The following EPS8 variants were observed in gnomAD, a reference collection of about 807,000 sequenced individuals.
The protein encoded by EPS8 is EGFR pathway substrate 8, signaling adaptor.
In EPS8, 42 loss-of-function variants were observed where a neutral mutation model predicts 103.8. That is an observed-to-expected ratio of 0.40 (90% CI 0.32 to 0.52). EPS8 has a LOEUF of 0.52. Among genes scored for constraint, EPS8 ranks in the 20% least tolerant of loss-of-function variants. The pLI is 0.40. For missense variants in EPS8, 969 were observed against 1,005.1 expected (o/e 0.96, Z 0.49); for synonymous variants, 344 against 344.6 (o/e 1.00, Z 0.02).
At chr12:15,654,539 G>A in intron 12 of EPS8, 1 of 489,288 alleles carries the variant, frequency 2.0e-6, no homozygotes, top group Non-Finnish European at 3.6e-6. Flanking sequence ...CCTATGGGCT[G>A]CATATGACTA....
intron 8 of EPS8, among the ~76,000 whole-genome samples, chr12:15,663,016 A>G (rs961795716): frequency 7.1e-6 from 1 of 141,678 alleles, no homozygotes; most frequent in Non-Finnish European, 1.5e-5. Context: ...AAAAAAAAAA[A>G]GAAAGAAGAA....
intron 17 of EPS8, among the ~76,000 whole-genome samples, chr12:15,632,350 G>C (rs905751727): frequency 6.6e-5 from 10 of 152,100 alleles, no homozygotes; most frequent in African/African-American, 2.4e-4. Flanking sequence ...GTGACAAAAT[G>C]CTTTTTAATA....
At chr12:15,641,884 A>T in intron 15 of EPS8, 54 bp from the exon 16 acceptor site, 1 of 1,024,292 alleles carries the variant, frequency 9.8e-7, no homozygotes, top group South Asian at 1.7e-5. Context: ...CTAAAGGATA[A>T]AAATGGAAAA....
In EPS8 at chr12:15,759,413, T is replaced by G. The variant is rs1272597203; in HGVS notation, c.-22+29748A>C. 6.6e-6 allele frequency among the ~76,000 whole-genome samples: 1 copy of G among 152,156 alleles called. No homozygotes were observed. The highest frequency in any genetic ancestry group is 2.4e-5 in the African/African-American group (1 of 41,460). On this transcript the variant is annotated intron_variant, in intron 1 of 20. Transcript: ENST00000281172. The surrounding 1 kb of genome is among the most constrained non-coding windows in gnomAD (Gnocchi z 4.9). ...AAATTATAATGACCATCTACTGTAT[T>G]TAATATTTATCCATTAAGAAAGATA...
chr12:15,643,203 C>A (rs1182215923), intron 15 of EPS8, among the ~76,000 whole-genome samples: 2 of 152,100 alleles, frequency 1.3e-5, no homozygotes, highest in Admixed American at 1.3e-4. Context: ...TTTTATCTTC[C>A]TCTCTTCCCC....
chr12:15,677,659 A>G (rs1174434637), intron 3 of EPS8, among the ~76,000 whole-genome samples: 1 of 152,214 alleles, frequency 6.6e-6, no homozygotes, highest in Non-Finnish European at 1.5e-5. Context: ...AACAAATTAT[A>G]TCATAAATCT....
In EPS8 at chr12:15,728,027, G is replaced by A. The variant is rs1591901223; in HGVS notation, c.-21-45055C>T. 1 of 152,218 alleles carries A rather than the reference G, an allele frequency of 6.6e-6. No individual in the cohort carries two copies. The highest frequency in any genetic ancestry group is 1.5e-5 in the Non-Finnish European group (1 of 68,040). The allele number at this position is 152,218 out of a possible 1,614,324, so 9.4% of individuals were successfully genotyped here. A position where few individuals can be genotyped will look rare whatever the true frequency, so the allele number is the denominator to read the frequency against. The stretch of plus-strand genomic sequence containing the variant: ...GGAAAGATTTAAAGCCCTGTGAAAT[G>A]AGTAAGCCCCTGCTACTTAGCACTG... On this transcript the variant is annotated intron_variant, in intron 1 of 20. Coordinates refer to ENST00000281172, the MANE Select transcript of EPS8 (RefSeq NM_004447.6). This position sits in a 1 kb window ranked among gnomAD's most constrained non-coding sequence, Gnocchi z 4.5.
At chr12:15,730,956 G>C (rs1448661651) in intron 1 of EPS8, among the ~76,000 whole-genome samples, 1 of 151,738 alleles carries the variant, frequency 6.6e-6, no homozygotes, top group Non-Finnish European at 1.5e-5. Flanking sequence ...TAGCACACAA[G>C]GTCTATTAGA....
chr12:15,753,533 C>G (rs1003458018), intron 1 of EPS8, among the ~76,000 whole-genome samples: 3 of 151,858 alleles, frequency 2.0e-5, no homozygotes, highest in African/African-American at 7.3e-5. Context: ...TAAGTCGCAT[C>G]AGATTCAGTG....
intron 1 of EPS8, among the ~76,000 whole-genome samples, chr12:15,744,944 C>T (rs778915018): frequency 1.3e-5 from 2 of 151,982 alleles, no homozygotes; most frequent in African/African-American, 4.8e-5. Flanking sequence ...GGCGCGATCT[C>T]GGCTCACCTC....
rs111745836 is a variant in EPS8, at chr12:15,751,912, G to C, written c.-22+37249C>G. Among the ~76,000 whole-genome samples the C allele has an allele frequency of 5.7e-4, 86 of 152,212 alleles. 2 individuals are homozygous for C. The highest frequency in any genetic ancestry group is 1.5e-3 in the African/African-American group (63 of 41,520). Reference sequence around the variant, plus strand: ...CTGGCATGTGTGTAGGCATGGGCGTGGGGGAGGTGGAGAGCCAGAAAAGTG... The same window carrying C: ...CTGGCATGTGTGTAGGCATGGGCGTCGGGGAGGTGGAGAGCCAGAAAAGTG... On this transcript the variant is annotated intron_variant, in intron 1 of 20. Transcript: ENST00000281172. The surrounding 1 kb of genome is among the most constrained non-coding windows in gnomAD (Gnocchi z 4.3).
intron 6 of EPS8, among the ~76,000 whole-genome samples, chr12:15,667,475 T>C (rs1375628621): frequency 6.6e-6 from 1 of 152,054 alleles, no homozygotes; most frequent in Non-Finnish European, 1.5e-5. Flanking sequence ...ACAAATATCG[T>C]GTCAAAGGCT....
At chr12:15,674,852 T>TA (rs58377349) in intron 3 of EPS8, among the ~76,000 whole-genome samples, 149,627 of 150,820 alleles carry the variant, frequency 0.99, 74,232 homozygotes, top group Middle Eastern at 1. Flanking sequence ...TTTGTTCTGT[T>TA]AAAAAAAAAG....
rs182781789 is a variant in EPS8 at position 15,681,716 on chromosome 12, G to A, written c.60-414C>T. On this transcript the variant is annotated intron_variant, in intron 2 of 20. Coordinates refer to ENST00000281172, the MANE Select transcript of EPS8 (RefSeq NM_004447.6). Reference sequence around the variant, plus strand: ...TTGCACTCCAGCCTGGTGACAGAGCGAGACTCTGTCTCAAAAAAAAAAAAA... The same window carrying A: ...TTGCACTCCAGCCTGGTGACAGAGCAAGACTCTGTCTCAAAAAAAAAAAAA... Among the ~76,000 whole-genome samples, 1,050 of 122,338 alleles carry A rather than the reference G, an allele frequency of 8.6e-3. 15 individuals are homozygous for A. The highest frequency in any genetic ancestry group is 0.032 in the African/African-American group (1,009 of 32,026). The allele number at this position is 122,338 out of a possible 152,430, so 80.3% of individuals were successfully genotyped here.
intron 1 of EPS8, among the ~76,000 whole-genome samples, chr12:15,770,804 T>C (rs2136042901): frequency 6.6e-6 from 1 of 152,110 alleles, no homozygotes; most frequent in South Asian, 2.2e-4. Context: ...AAAACTGTGG[T>C]CAGTATTTTT....
chr12:15,650,492 G>A (rs1252806391), intron 14 of EPS8, among the ~76,000 whole-genome samples: 1 of 152,032 alleles, frequency 6.6e-6, no homozygotes, highest in Non-Finnish European at 1.5e-5. Flanking sequence ...GGGCAGTAGT[G>A]CAATTCCCTG....
At chr12:15,623,337 C>A in intron 19 of EPS8, 50 bp from the exon 20 acceptor site, 1 of 1,523,806 alleles carries the variant, frequency 6.6e-7, no homozygotes, top group Non-Finnish European at 8.9e-7. Context: ...ATATTGCCTA[C>A]AAACAAAGGA....
intron 1 of EPS8, among the ~76,000 whole-genome samples, chr12:15,786,204 C>T (rs1049909855): frequency 5.9e-5 from 9 of 152,010 alleles, no homozygotes; most frequent in African/African-American, 2.2e-4. Flanking sequence ...ACAAATCATA[C>T]TGATAGTATA....
In EPS8 at chr12:15,693,467, T is replaced by G. The variant is rs370827925; in HGVS notation, c.-21-10495A>C. ...ACATGACTAATAAATCCTACTATTCTTAGCCTCACTCTCACTGTTGAGTCA... is the reference window on the plus strand; with the variant it reads ...ACATGACTAATAAATCCTACTATTCGTAGCCTCACTCTCACTGTTGAGTCA... On this transcript the variant is annotated intron_variant, in intron 1 of 20. Transcript: ENST00000281172. This position sits in a 1 kb window ranked among gnomAD's most constrained non-coding sequence, Gnocchi z 5.6. 1.2e-4 allele frequency among the ~76,000 whole-genome samples: 18 copies of G among 152,322 alleles called. No homozygotes were observed. The South Asian group carries it at 2.1e-3, about 18-fold the overall frequency.
Sources: allele counts gnomAD v4.1 joint callset (sites outside exome capture counted in the v4.1 genomes callset), GRCh38; gene constraint gnomAD v4.1.1; non-coding constraint Gnocchi (gnomAD v3.1); transcripts MANE v1.5; gene names NCBI Gene and HGNC (gene_info 2026-07-23, HGNC 2026-07-21).